The following PLSCR2 variants were observed in gnomAD, a reference collection of about 807,000 sequenced individuals.
PLSCR2 encodes phospholipid scramblase 2, also known as PL scramblase 2.
A neutral mutation model predicts 25.3 loss-of-function variants in PLSCR2; 18 were observed. The ratio of observed to expected loss-of-function variants is 0.71; its 90% confidence interval spans 0.49 to 1.06. The LOEUF (loss-of-function observed/expected upper bound fraction) is 1.06. PLSCR2 is among the 50% of genes least tolerant of loss of function. The pLI is 0.00. For synonymous variants in PLSCR2, 88 were observed against 87.3 expected, an observed-to-expected ratio of 1.01 and a Z score of -0.04; for missense variants, 243 against 269.5, an observed-to-expected ratio of 0.90 and a Z score of 0.69.
intron 1 of PLSCR2, among the ~76,000 whole-genome samples, chr3:146,483,485 A>ATACACGTG (rs1160117053): frequency 2.3e-5 from 2 of 85,664 alleles, no homozygotes; most frequent in Non-Finnish European, 4.7e-5. Flanking sequence ...ATGTGTATAT[A>ATACACGTG]TATATATATA....
At chr3:146,484,043 T>G (rs538136690) in intron 1 of PLSCR2, among the ~76,000 whole-genome samples, 1 of 151,492 alleles carries the variant, frequency 6.6e-6, no homozygotes, top group African/African-American at 2.4e-5. Flanking sequence ...AGAACCATGA[T>G]AGAAGGTTAT....
At chr3:146,480,725 T>A (rs1380225493) in intron 1 of PLSCR2, among the ~76,000 whole-genome samples, 1 of 152,146 alleles carries the variant, frequency 6.6e-6, no homozygotes, top group Non-Finnish European at 1.5e-5. Flanking sequence ...CCTCCCTAAC[T>A]CATTTTATAA....
chr3:146,480,139 A>C (rs900613562), intron 1 of PLSCR2, among the ~76,000 whole-genome samples: 3 of 152,172 alleles, frequency 2.0e-5, no homozygotes, highest in Non-Finnish European at 4.4e-5. Flanking sequence ...AAGCAGGAAA[A>C]ATCTAAAATT....
chr3:146,447,486 C>T (rs1038612384), intron 6 of PLSCR2, among the ~76,000 whole-genome samples: 1 of 152,182 alleles, frequency 6.6e-6, no homozygotes, highest in Non-Finnish European at 1.5e-5. Flanking sequence ...TCTTTAGAAA[C>T]ATTGTCTGGG....
At chr3:146,461,792 G>A (rs1270676909), upstream of PLSCR2, 1 of 738,368 alleles carries the variant, frequency 1.4e-6, no homozygotes, top group South Asian at 1.5e-5. Flanking sequence ...GAGACCCTTA[G>A]TAAGGAGTTT....
In PLSCR2 at chr3:146,476,446, G is replaced by T. The variant is rs991547116; in HGVS notation, c.-292-16162C>A. Among the ~76,000 whole-genome samples the T allele has an allele frequency of 2.0e-5, 3 of 152,324 alleles. No individual in the cohort carries two copies. In the East Asian group the frequency reaches 5.8e-4, roughly 29 times the overall value. ...GCTACCAGGGCCTTGGGTCCCAACC[G>T]CAGAGCTGCATAGATTCTCAACAGC... is the stretch of plus-strand genomic sequence containing the variant. On this transcript the variant is annotated intron_variant, in intron 1 of 8. Transcript: ENST00000336685.
intron 2 of PLSCR2, chr3:146,398,912 G>A (rs2038368416): frequency 2.0e-5 from 3 of 152,172 alleles, no homozygotes; most frequent in Admixed American, 2.0e-4. Flanking sequence ...CCTCTTAAAT[G>A]AGCTTTTTGT....
At chr3:146,479,453 TA>T (rs1256309601) in intron 1 of PLSCR2, among the ~76,000 whole-genome samples, 1 of 152,098 alleles carries the variant, frequency 6.6e-6, no homozygotes, top group African/African-American at 2.4e-5. Context: ...TACTCTCTGG[TA>T]AAACAGAATT....
At chr3:146,472,301 T>G (rs1398806166) in intron 1 of PLSCR2, among the ~76,000 whole-genome samples, 1 of 152,254 alleles carries the variant, frequency 6.6e-6, no homozygotes, top group African/African-American at 2.4e-5. Context: ...TTGCTTTAGC[T>G]AATATTTGGT....
At chr3:146,430,709 T>A (rs2039515641), downstream of PLSCR2, among the ~76,000 whole-genome samples, 12 of 152,134 alleles carry the variant, frequency 7.9e-5, no homozygotes. Flanking sequence ...TTCTTTTTTG[T>A]TCCTATCCTC....
At chr3:146,471,911 A>G (rs6440444) in intron 1 of PLSCR2, among the ~76,000 whole-genome samples, 15,492 of 152,170 alleles carry the variant, frequency 0.1, 1,125 homozygotes, top group African/African-American at 0.2. Flanking sequence ...AAACTTATTT[A>G]AGGTTGCTTT....
intron 1 of PLSCR2, among the ~76,000 whole-genome samples, chr3:146,493,785 T>C (rs999038210): frequency 8.1e-5 from 2 of 24,642 alleles, no homozygotes. Flanking sequence ...AAGGTGGCGT[T>C]TTTTTTTTTT....
intron 1 of PLSCR2, among the ~76,000 whole-genome samples, chr3:146,472,340 G>A (rs1439586862): frequency 1.3e-5 from 2 of 152,270 alleles, no homozygotes; most frequent in Non-Finnish European, 1.5e-5. Context: ...ATTCAAAGAG[G>A]TATTAAAATT....
intron 1 of PLSCR2, among the ~76,000 whole-genome samples, chr3:146,493,707 A>G (rs933678775): frequency 1.3e-5 from 2 of 151,046 alleles, no homozygotes; most frequent in African/African-American, 4.9e-5. Flanking sequence ...TTATTAGGCA[A>G]TATTCTGTTT....
At chr3:146,417,372 CAA>C (rs1034259115) in intron 2 of PLSCR2, among the ~76,000 whole-genome samples, 7 of 151,818 alleles carry the variant, frequency 4.6e-5, no homozygotes, top group Non-Finnish European at 8.8e-5. Flanking sequence ...AACATGTAGA[CAA>C]GAGACAAATA....
At chr3:146,458,388 T>C (rs752192808) in intron 3 of PLSCR2, 23 bp downstream of exon 3, 14 of 1,488,636 alleles carry the variant, frequency 9.4e-6, no homozygotes, top group African/African-American at 1.4e-5. Flanking sequence ...TTTAGAACTA[T>C]GAGCAATACA....
chr3:146,426,277 T>TTCCTTCCTTCCTTCCTTCTTTC (rs1361534929), intron 2 of PLSCR2, among the ~76,000 whole-genome samples: 2 of 145,698 alleles, frequency 1.4e-5, no homozygotes, highest in Non-Finnish European at 3.0e-5. Flanking sequence ...TTCCTTCTTT[T>TTCCTTCCTTCCTTCCTTCTTTC]CTTCCTTCCT....
chr3:146,473,241 G>A (rs554272176), intron 1 of PLSCR2, among the ~76,000 whole-genome samples: 2 of 150,316 alleles, frequency 1.3e-5, no homozygotes, highest in Non-Finnish European at 3.0e-5. Context: ...TACAGCTTTG[G>A]GTTTTGTTTG....
intron 1 of PLSCR2, among the ~76,000 whole-genome samples, chr3:146,466,587 C>A (rs923351068): frequency 1.3e-5 from 2 of 151,984 alleles, no homozygotes; most frequent in African/African-American, 2.4e-5. Flanking sequence ...GAGACAAAAG[C>A]AACAAAAATG....
Sources: gnomAD v4.1 joint callset for allele counts (sites outside exome capture counted in the v4.1 genomes callset) on GRCh38, gnomAD v4.1.1 for gene constraint, MANE v1.5 for transcripts, NCBI Gene and HGNC (gene_info 2026-07-23, HGNC 2026-07-21) for gene names.